PPP4R3B: variants seen among roughly 807,000 people sequenced by gnomAD.
PPP4R3B encodes the protein protein phosphatase 4 regulatory subunit 3B.
A neutral mutation model predicts 95.4 loss-of-function variants in PPP4R3B; 52 were observed. That is an observed-to-expected ratio of 0.54 (90% CI 0.44 to 0.69). PPP4R3B has a LOEUF of 0.69. Among genes scored for constraint, PPP4R3B ranks in the 30% least tolerant of loss-of-function variants. The pLI is 0.00. For missense variants in PPP4R3B, 1,003 were observed against 1,005.9 expected (o/e 1.00, Z 0.04); for synonymous variants, 407 against 343.9 (o/e 1.18, Z -2.03).
chr2:55,562,215 A>G (rs1686722033), intron 15 of PPP4R3B, among the ~76,000 whole-genome samples: 1 of 152,160 alleles, frequency 6.6e-6, no homozygotes, highest in South Asian at 2.1e-4. Flanking sequence ...TGAGACCAGG[A>G]GTTCAAGACC....
intron 3 of PPP4R3B, among the ~76,000 whole-genome samples, chr2:55,603,233 G>A (rs1247277456): frequency 2.0e-5 from 3 of 152,190 alleles, no homozygotes; most frequent in South Asian, 2.1e-4. Flanking sequence ...GATTACAGGC[G>A]TGAGTAACCG....
intron 15 of PPP4R3B, 70 bp downstream of exon 15, chr2:55,564,243 C>T (rs1345833956): frequency 7.3e-7 from 1 of 1,361,942 alleles, no homozygotes; most frequent in Non-Finnish European, 9.8e-7. Context: ...AACAAACCTT[C>T]ACAAAGCAAC....
intron 15 of PPP4R3B, among the ~76,000 whole-genome samples, chr2:55,560,162 C>G (rs893156424): frequency 1.3e-5 from 2 of 152,004 alleles, no homozygotes; most frequent in African/African-American, 2.4e-5. Flanking sequence ...GACTTTGGAA[C>G]TGGGTAATAG....
At chr2:55,590,672 A>T (rs1318143571) in intron 4 of PPP4R3B, among the ~76,000 whole-genome samples, 1 of 152,186 alleles carries the variant, frequency 6.6e-6, no homozygotes, top group Non-Finnish European at 1.5e-5. Context: ...ATGAAATGTA[A>T]TTTCCATTAA....
intron 12 of PPP4R3B, among the ~76,000 whole-genome samples, chr2:55,570,827 C>T (rs559695137): frequency 2.0e-5 from 3 of 152,288 alleles, no homozygotes; most frequent in Middle Eastern, 6.8e-3. Flanking sequence ...GACTTACAAT[C>T]TTCCCTCTTT....
intron 1 of PPP4R3B, among the ~76,000 whole-genome samples, chr2:55,615,857 CA>C (rs58981030): frequency 0.28 from 10,636 of 38,406 alleles, 111 homozygotes; most frequent in Non-Finnish European, 0.3. Context: ...ACTCTGTCTC[CA>C]AAAAAAAAAA....
intron 2 of PPP4R3B, among the ~76,000 whole-genome samples, chr2:55,606,127 T>A (rs1430146585): frequency 6.6e-6 from 1 of 152,112 alleles, no homozygotes; most frequent in Non-Finnish European, 1.5e-5. Context: ...CTTAGAGCCT[T>A]CCTCAAAATA....
chr2:55,582,133 TAACA>T (rs1320060207), intron 7 of PPP4R3B, among the ~76,000 whole-genome samples: 1 of 151,836 alleles, frequency 6.6e-6, no homozygotes, highest in Non-Finnish European at 1.5e-5. Context: ...AAATCCTTCC[TAACA>T]AAAAGAAAAA....
intron 11 of PPP4R3B, 34 bp from the exon 12 acceptor site, chr2:55,573,811 T>C (rs962434875): frequency 1.2e-5 from 16 of 1,344,694 alleles, no homozygotes; most frequent in Admixed American, 3.0e-5. Flanking sequence ...AAAATAAATA[T>C]TGAATATATC....
Position 55,549,785 on chromosome 2 carries a change from CT to C in PPP4R3B, c.*125del. The stretch of plus-strand genomic sequence containing the variant: ...GAACTAAACTCTCTTAGCTGATATA[CT>C]GTCTTTTGCTACTCCTTGTATATTT... On this transcript the variant is annotated 3_prime_UTR_variant, in exon 17 of 17. Transcript: ENST00000616407. The C allele has an allele frequency of 1.4e-6, 1 of 735,598 alleles. No homozygotes were observed. The highest frequency in any genetic ancestry group is 1.6e-5 in the South Asian group (1 of 62,428). The allele number at this position is 735,598 out of a possible 1,614,324, so 45.6% of individuals were successfully genotyped here. A position where few individuals can be genotyped will look rare whatever the true frequency, so the allele number is the denominator to read the frequency against.
At chr2:55,563,659 C>A (rs1686912399) in intron 15 of PPP4R3B, among the ~76,000 whole-genome samples, 1 of 152,104 alleles carries the variant, frequency 6.6e-6, no homozygotes, top group Admixed American at 6.5e-5. Context: ...CAGACGTGAG[C>A]CGCCATGCCC....
chr2:55,562,006 C>T (rs1353625977), intron 15 of PPP4R3B, among the ~76,000 whole-genome samples: 1 of 152,114 alleles, frequency 6.6e-6, no homozygotes, highest in African/African-American at 2.4e-5. Context: ...TTGTCCCCAC[C>T]CAAATCTCAT....
chr2:55,595,171 G>A (rs1019224626), intron 4 of PPP4R3B, among the ~76,000 whole-genome samples: 3 of 151,840 alleles, frequency 2.0e-5, no homozygotes, highest in Non-Finnish European at 4.4e-5. Context: ...TTACAGGCAC[G>A]TGCCACTGTG....
At position 55,596,634 on chromosome 2, in the gene PPP4R3B, C is replaced by T. The variant is rs879572950; in HGVS notation, c.921+1782G>A. 2.0e-5 allele frequency among the ~76,000 whole-genome samples: 3 copies of T among 152,294 alleles called. 1 individual carries two copies. The Middle Eastern group carries it at 0.01, about 518-fold the overall frequency. On this transcript the variant is annotated intron_variant, in intron 4 of 16. Transcript: ENST00000616407. ...AAACACTGCAGCCAAGCACTACTGGCGAGTATTCACAGGACAGACAGGAAA... is the reference window on the plus strand; with the variant it reads ...AAACACTGCAGCCAAGCACTACTGGTGAGTATTCACAGGACAGACAGGAAA...
chr2:55,605,811 CA>C (rs1159529531), intron 2 of PPP4R3B, among the ~76,000 whole-genome samples: 1 of 147,226 alleles, frequency 6.8e-6, no homozygotes, highest in African/African-American at 2.5e-5. Context: ...TAGGCTGAGG[CA>C]AAAGAATCGC....
intron 7 of PPP4R3B, among the ~76,000 whole-genome samples, chr2:55,584,065 C>T (rs1052225800): frequency 6.6e-6 from 1 of 151,914 alleles, no homozygotes; most frequent in Non-Finnish European, 1.5e-5. Context: ...GTTAGCCAGG[C>T]GTGGTGGCGC....
intron 16 of PPP4R3B, among the ~76,000 whole-genome samples, chr2:55,556,585 T>A (rs1685870816): frequency 6.6e-6 from 1 of 151,904 alleles, no homozygotes; most frequent in African/African-American, 2.4e-5. Flanking sequence ...AACTTGCCTT[T>A]TGGTAATATT....
chr2:55,578,254 G>A lies in PPP4R3B; in HGVS notation c.1557C>T (p.Ile519=). The part of the protein sequence containing the change: ...SHSHSTPSSS[I]SQDNIVGSNK... The stretch of plus-strand genomic sequence containing the variant: ...ACTCCAAATTCAGCATACCTTGAGA[G>A]ATGGAGGAAGAGGGGGTAGAATGGG... Residue 519 remains isoleucine (I), a synonymous_variant, in exon 10 of 17, where the codon ATC becomes ATT. Coordinates refer to ENST00000616407, the MANE Select transcript of PPP4R3B (RefSeq NM_001122964.3). 3 of 1,463,070 alleles carry A rather than the reference G, an allele frequency of 2.1e-6. No individual in the cohort carries two copies. Among genetic ancestry groups the A allele is most frequent in the Non-Finnish European group, 2.7e-6 (3 of 1,103,728 alleles). 90.6% of individuals were successfully genotyped at this position (1,463,070 alleles called of 1,614,324 possible).
In PPP4R3B at chr2:55,588,937, G is replaced by T. The variant is rs149678979; in HGVS notation, c.941C>A (p.Ser314Tyr). 1 of 1,606,854 alleles carries T rather than the reference G, an allele frequency of 6.2e-7. No homozygotes were observed. Among genetic ancestry groups the T allele is most frequent in the Non-Finnish European group, 8.5e-7 (1 of 1,175,224 alleles). Residue 314 changes from serine to tyrosine, a missense_variant, in exon 5 of 17, where the codon TCT becomes TAT. By Grantham distance (144) the Ser-to-Tyr change is moderately radical (BLOSUM62 -2). This residue lies in a region of PPP4R3B where 695 missense variants were observed against 686.2 expected (regional missense o/e 1.01). Coordinates refer to ENST00000616407, the MANE Select transcript of PPP4R3B (RefSeq NM_001122964.3). ...ATCTGTTAATTGTGCAAAAACTTCAGACAAAAACTTCTCATCTTCCTGCAT... is the reference window on the plus strand; with the variant it reads ...ATCTGTTAATTGTGCAAAAACTTCATACAAAAACTTCTCATCTTCCTGCAT... ...SMLQEDEKFL[S>Y]EVFAQLTDEA...
Sources: allele counts gnomAD v4.1 joint callset (sites outside exome capture counted in the v4.1 genomes callset), GRCh38; gene constraint gnomAD v4.1.1; regional missense constraint gnomAD v4.1.1; transcripts MANE v1.5; gene names NCBI Gene and HGNC (gene_info 2026-07-23, HGNC 2026-07-21).